LYVE1: variants seen among roughly 807,000 people sequenced by gnomAD.
The protein encoded by LYVE1 is lymphatic vessel endothelial hyaluronan receptor 1.
A neutral mutation model predicts 31.5 loss-of-function variants in LYVE1; 29 were observed. That is an observed-to-expected ratio of 0.92 (90% CI 0.69 to 1.26). LYVE1 has a LOEUF of 1.26. LYVE1 is among the 50% of genes most tolerant of loss of function. LYVE1 has a pLI of 0.00. For missense variants in LYVE1, 376 were observed against 380.2 expected, an observed-to-expected ratio of 0.99 and a Z score of 0.09; for synonymous variants, 134 against 139.4, an observed-to-expected ratio of 0.96 and a Z score of 0.27.
Position 10,559,179 on chromosome 11 carries a change from CA to C in LYVE1, c.900del (p.Asp301IlefsTer24). On this transcript the variant is annotated frameshift_variant, in exon 6 of 6. Coordinates refer to ENST00000256178, the MANE Select transcript of LYVE1 (RefSeq NM_006691.4). LOFTEE classifies it high-confidence loss of function. Reference protein sequence around the residue: ...DSNPNEESKKTDKNPEESKSP... With the variant: ...DSNPNEESKKXDKNPEESKSP... Reference sequence around the variant, plus strand: ...CTCTTGGACTCTTCTGGGTTTTTATCAGTTTTCTTTGATTCCTCATTAGGGT... The same window carrying C: ...CTCTTGGACTCTTCTGGGTTTTTATCGTTTTCTTTGATTCCTCATTAGGGT... 1 of 1,614,138 alleles carries C rather than the reference CA, an allele frequency of 6.2e-7. No homozygotes were observed.
rs541642402 is a variant in LYVE1 at position 10,560,129 on chromosome 11, C to A, written c.704-235G>T. ...CAATATGACAGAGTTCATTTCTCCT[C>A]CATGGCCTTGAGACCTACTCTAGTC... On this transcript the variant is annotated intron_variant, in intron 4 of 5. Coordinates refer to ENST00000256178, the MANE Select transcript of LYVE1 (RefSeq NM_006691.4). Among the ~76,000 whole-genome samples, 22 of 152,294 alleles carry A rather than the reference C, an allele frequency of 1.4e-4. 1 individual carries two copies. The highest frequency in any genetic ancestry group is 6.8e-3 in the Middle Eastern group (2 of 294).
chr11:10,557,736 G>T lies in LYVE1; in HGVS notation c.*1375C>A, dbSNP rs1209089336. ...TAGCCCCATATGATATATGCTGTTT[G>T]GTTGACATATGCTTGTATTTTAACA... On this transcript the variant is annotated 3_prime_UTR_variant, in exon 6 of 6. Coordinates refer to ENST00000256178, the MANE Select transcript of LYVE1 (RefSeq NM_006691.4). 1.3e-5 allele frequency: 2 copies of T among 152,164 alleles called. No homozygotes were observed. Among genetic ancestry groups the T allele is most frequent in the African/African-American group, 2.4e-5 (1 of 41,438 alleles). The allele number at this position is 152,164 out of a possible 1,614,324, so 9.4% of individuals were successfully genotyped here. A position where few individuals can be genotyped will look rare whatever the true frequency, so the allele number is the denominator to read the frequency against.
At chr11:10,565,862 G>A (rs1401889901) in intron 1 of LYVE1, among the ~76,000 whole-genome samples, 3 of 151,900 alleles carry the variant, frequency 2.0e-5, no homozygotes, top group Non-Finnish European at 4.4e-5. Flanking sequence ...CCAGGCTGGA[G>A]TGCAATAGCG....
At chr11:10,560,822 G>C (rs376775968) in intron 3 of LYVE1, 22 bp from the exon 4 acceptor site, 20 of 1,574,712 alleles carry the variant, frequency 1.3e-5, no homozygotes, top group Admixed American at 5.2e-5. Flanking sequence ...GGGAAACATG[G>C]AATAAAAGTA....
At chr11:10,561,005 C>G (rs1479851180) in intron 3 of LYVE1, among the ~76,000 whole-genome samples, 1 of 152,196 alleles carries the variant, frequency 6.6e-6, no homozygotes, top group Non-Finnish European at 1.5e-5. Flanking sequence ...GTGATTTGGC[C>G]CCTGCTAACA....
rs183775500 is a variant in LYVE1 at position 10,564,005 on chromosome 11, A to G, written c.332T>C (p.Val111Ala). 1.7e-5 allele frequency: 27 copies of G among 1,614,058 alleles called. No homozygotes were observed. The East Asian group carries it at 5.8e-4, about 35-fold the overall frequency. Residue 111 changes from valine (V) to alanine (A), a missense_variant, in exon 3 of 6, where the codon GTG becomes GCG. Physicochemically the swap from Val to Ala is moderately conservative, Grantham distance 64. Transcript: ENST00000256178. The part of the protein sequence containing the change: ...SPNPKCGKNG[V>A]GVLIWKVPVS... ...TGGAACCTTCCAAATCAGGACACCC[A>G]CCCCATTTTTCCCACACTTGGGGTT...
chr11:10,566,478 G>C (rs181933689), intron 1 of LYVE1, among the ~76,000 whole-genome samples: 2 of 152,016 alleles, frequency 1.3e-5, no homozygotes, highest in East Asian at 3.9e-4. Context: ...AACACACACA[G>C]ACACACACAC....
At chr11:10,563,716 T>C (rs1171642858) in intron 3 of LYVE1, among the ~76,000 whole-genome samples, 1 of 152,228 alleles carries the variant, frequency 6.6e-6, no homozygotes, top group Admixed American at 6.5e-5. Flanking sequence ...TTGAGCCTCC[T>C]GAATGTCTTC....
In LYVE1 at chr11:10,568,555, G is replaced by A. The variant is rs752823247; in HGVS notation, c.-23C>T. On this transcript the variant is annotated 5_prime_UTR_variant, in exon 1 of 6. Coordinates refer to ENST00000256178, the MANE Select transcript of LYVE1 (RefSeq NM_006691.4). ...CATCGTGCCTACCCCTTCAGAGCCA[G>A]GGAAACACCTCAGATGGCCACTGGT... 6.2e-7 allele frequency: 1 copy of A among 1,609,534 alleles called. No individual in the cohort carries two copies. The highest frequency in any genetic ancestry group is 1.1e-5 in the South Asian group (1 of 90,564).
rs1364436943 is a variant in LYVE1 at position 10,564,310 on chromosome 11, C to G, written c.150G>C (p.Gln50His). The G allele has an allele frequency of 1.9e-6, 3 of 1,614,102 alleles. No individual in the cohort carries two copies. In the Admixed American group the frequency reaches 5.0e-5, roughly 27 times the overall value. Residue 50 changes from glutamine (Q) to histidine (H), a missense_variant, in exon 2 of 6, where the codon CAG becomes CAC. By Grantham distance (24) the Gln-to-His change is conservative (BLOSUM62 0). Transcript: ENST00000256178. ...CCTTAGCTTCTGTGAAATTCAGCTG[C>G]TGGTTCGCCTTTTTGCTCACAAGGG... is the stretch of plus-strand genomic sequence containing the variant. The part of the protein sequence containing the change: ...GITLVSKKAN[Q>H]QLNFTEAKEA...
In LYVE1 at chr11:10,558,977, G is replaced by A. The variant is rs185184285; in HGVS notation, c.*134C>T. The A allele has an allele frequency of 1.3e-4, 100 of 774,018 alleles. No individual in the cohort carries two copies. In the African/African-American group the frequency reaches 1.4e-3, roughly 11 times the overall value. 47.9% of individuals were successfully genotyped at this position (774,018 alleles called of 1,614,324 possible). A position where few individuals can be genotyped will look rare whatever the true frequency, so the allele number is the denominator to read the frequency against. On this transcript the variant is annotated 3_prime_UTR_variant, in exon 6 of 6. Transcript: ENST00000256178. ...CACTCCATAGTCCAATGGCAGTCCT[G>A]AGCTGATTCCAGTTAGGAACCAAGG...
chr11:10,560,451 A>G (rs1168033724), intron 4 of LYVE1, 44 bp downstream of exon 4: 8 of 1,491,058 alleles, frequency 5.4e-6, no homozygotes, highest in South Asian at 2.6e-5. Flanking sequence ...TCTGTTATAC[A>G]TGAACATACA....
intron 1 of LYVE1, among the ~76,000 whole-genome samples, chr11:10,566,123 T>C (rs1360226232): frequency 9.2e-5 from 14 of 151,542 alleles, no homozygotes; most frequent in African/African-American, 3.4e-4. Context: ...TTTTTTTTCT[T>C]TTTTGAGACA....
At chr11:10,564,144 C>T (rs779565575) in intron 2 of LYVE1, 59 bp downstream of exon 2, 228 of 1,613,878 alleles carry the variant, frequency 1.4e-4, no homozygotes, top group Non-Finnish European at 1.9e-4. Context: ...TATTGCTGAA[C>T]AAGAACACAG....
chr11:10,563,474 G>A (rs1354262420), intron 3 of LYVE1, among the ~76,000 whole-genome samples: 1 of 152,186 alleles, frequency 6.6e-6, no homozygotes, highest in Non-Finnish European at 1.5e-5. Context: ...GATTTAAAGT[G>A]TACAGGAGGA....
intron 3 of LYVE1, among the ~76,000 whole-genome samples, chr11:10,562,841 A>G (rs547965775): frequency 6.6e-6 from 1 of 151,840 alleles, no homozygotes; most frequent in South Asian, 2.1e-4. Flanking sequence ...TTATAAAGGA[A>G]TGTGGAACAG....
In LYVE1 at chr11:10,560,615, G is replaced by A. The variant is rs200251557; in HGVS notation, c.583C>T (p.Arg195Trp). The A allele has an allele frequency of 2.0e-4, 315 of 1,613,926 alleles. No homozygotes were observed. The highest frequency in any genetic ancestry group is 6.7e-4 in the East Asian group (30 of 44,892). ...GTGACACAAATCAATTTTTTTCTCC[G>A]TGGAATAGAAGTGGAAGCTGGAGCA... ...PPAPASTSIP[R>W]RKKLICVTEV... The change falls in exon 4 of 6, where the codon CGG becomes TGG. Residue 195 changes from arginine (R) to tryptophan (W), a missense_variant. Physicochemically the swap from Arg to Trp is moderately radical, Grantham distance 101 (BLOSUM62 -3). Transcript: ENST00000256178.
chr11:10,568,572 G>A lies in LYVE1; in HGVS notation c.-40C>T. ...CAGAGCCAGGGAAACACCTCAGATG[G>A]CCACTGGTGATATGAGAGGCAGATG... On this transcript the variant is annotated 5_prime_UTR_variant, in exon 1 of 6. Transcript: ENST00000256178. 1 of 1,601,874 alleles carries A rather than the reference G, an allele frequency of 6.2e-7. No individual in the cohort carries two copies. Among genetic ancestry groups the A allele is most frequent in the South Asian group, 1.1e-5 (1 of 89,822 alleles).
intron 1 of LYVE1, among the ~76,000 whole-genome samples, chr11:10,565,548 G>T (rs144137943): frequency 6.6e-5 from 10 of 152,308 alleles, no homozygotes; most frequent in Admixed American, 6.5e-4. Context: ...TCTAATGGAA[G>T]TTTCTTTTTG....
Sources: gnomAD v4.1 joint callset for allele counts (sites outside exome capture counted in the v4.1 genomes callset) on GRCh38, gnomAD v4.1.1 for gene constraint, MANE v1.5 for transcripts, NCBI Gene and HGNC (gene_info 2026-07-23, HGNC 2026-07-21) for gene names.